ATP11B: variants seen among roughly 807,000 people sequenced by gnomAD.
ATP11B encodes phospholipid-transporting ATPase IF.
In ATP11B, 81 loss-of-function variants were observed where a neutral mutation model predicts 157.8. The observed-to-expected ratio is 0.51, with a 90% CI of 0.43 to 0.62. The LOEUF is 0.62. Ranked by LOEUF, ATP11B falls within the 20% of genes least tolerant of loss-of-function variation. The probability of loss-of-function intolerance (pLI) is 0.00; values close to 1 mark genes in which losing one functional copy is unlikely to be tolerated. For missense variants in ATP11B, 1,165 were observed against 1,402.2 expected, an observed-to-expected ratio of 0.83 and a Z score of 2.70; for synonymous variants, 451 against 469.4, an observed-to-expected ratio of 0.96 and a Z score of 0.51.
At chr3:182,806,724 T>C (rs1716350495) in intron 1 of ATP11B, among the ~76,000 whole-genome samples, 1 of 152,212 alleles carries the variant, frequency 6.6e-6, no homozygotes, top group South Asian at 2.1e-4. Context: ...ATGTGCCTGA[T>C]TTGTTTCATA....
chr3:182,863,434 C>T (rs1721002038), intron 12 of ATP11B, among the ~76,000 whole-genome samples: 1 of 152,022 alleles, frequency 6.6e-6, no homozygotes, highest in Non-Finnish European at 1.5e-5. Context: ...ATTGTGTATG[C>T]ATACTCATGT....
chr3:182,905,870 A>G, intron 28 of ATP11B: 1 of 456,702 alleles, frequency 2.2e-6, no homozygotes, highest in Non-Finnish European at 4.4e-6. Flanking sequence ...GACAGTAGGC[A>G]CCTGCTAGCT....
At chr3:182,890,762 CAT>C (rs1369599076) in intron 25 of ATP11B, among the ~76,000 whole-genome samples, 1 of 152,122 alleles carries the variant, frequency 6.6e-6, no homozygotes, top group Non-Finnish European at 1.5e-5. Context: ...CTCATTAAAT[CAT>C]AACTCTGTAT....
intron 1 of ATP11B, among the ~76,000 whole-genome samples, chr3:182,802,864 C>T (rs1716096393): frequency 6.6e-6 from 1 of 152,156 alleles, no homozygotes; most frequent in Non-Finnish European, 1.5e-5. Context: ...TTTTAGGTGA[C>T]ACCATTTCTT....
chr3:182,891,347 G>T (rs1723163151), intron 25 of ATP11B, among the ~76,000 whole-genome samples: 1 of 152,146 alleles, frequency 6.6e-6, no homozygotes, highest in Non-Finnish European at 1.5e-5. Flanking sequence ...TAAGTTTGAA[G>T]TTAGTAGGAA....
chr3:182,873,959 T>TA lies in ATP11B; in HGVS notation c.2197dup (p.Ile733AsnfsTer11). 1 of 1,614,120 alleles carries TA rather than the reference T, an allele frequency of 6.2e-7. No homozygotes were observed. Among genetic ancestry groups the TA allele is most frequent in the Non-Finnish European group, 8.5e-7 (1 of 1,180,006 alleles). On this transcript the variant is annotated frameshift_variant, in exon 19 of 30. Transcript: ENST00000323116. LOFTEE classifies it high-confidence loss of function. ...ATAGAACCATGAACATCCTTGAACT[T>TA]ATAAACCAGAAATCAGACAGCGAGT... is the stretch of plus-strand genomic sequence containing the variant.
In ATP11B at chr3:182,873,992, A is replaced by C; in HGVS notation, c.2229A>C (p.Glu743Asp). Residue 743 changes from glutamate (E) to aspartate (D), a missense_variant, in exon 19 of 30, where the codon GAA becomes GAC. Transcript: ENST00000323116. ...AGAAATCAGACAGCGAGTGTGCTGA[A>C]CAATTGAGGCAGCTTGCCAGAAGGT... The part of the protein sequence containing the change: ...INQKSDSECA[E>D]QLRQLARRIT... 2 of 1,614,052 alleles carry C rather than the reference A, an allele frequency of 1.2e-6. No homozygotes were observed.
At chr3:182,884,002 C>T (rs1161229858) in intron 21 of ATP11B, among the ~76,000 whole-genome samples, 2 of 146,852 alleles carry the variant, frequency 1.4e-5, no homozygotes, top group African/African-American at 4.9e-5. Context: ...CAGCAGTTTT[C>T]TCTAGGGATT....
At chr3:182,876,180 CT>C (rs1722028366) in intron 19 of ATP11B, among the ~76,000 whole-genome samples, 3 of 152,032 alleles carry the variant, frequency 2.0e-5, no homozygotes, top group Non-Finnish European at 2.9e-5. Flanking sequence ...AAGTTCAAGG[CT>C]ACAGTGAACT....
Position 182,793,521 on chromosome 3 carries a change from C to A in ATP11B, c.-239C>A, listed in dbSNP as rs2108474250. 2.9e-6 allele frequency: 1 copy of A among 347,732 alleles called. No homozygotes were observed. Among genetic ancestry groups the A allele is most frequent in the East Asian group, 4.4e-5 (1 of 22,872 alleles). The allele number at this position is 347,732 out of a possible 1,614,324, so 21.5% of individuals were successfully genotyped here. ...CAACGGTCAATAATGAAGGTGGCTG[C>A]GGCGCGGCGGCAGGCTCAGCTGCGC... On this transcript the variant is annotated 5_prime_UTR_variant, in exon 1 of 30. Coordinates refer to ENST00000323116, the MANE Select transcript of ATP11B (RefSeq NM_014616.3).
intron 29 of ATP11B, chr3:182,916,283 C>CT: frequency 1.0e-6 from 1 of 985,276 alleles, no homozygotes. Flanking sequence ...TGGGGCAAGT[C>CT]TGAGACTGCC....
chr3:182,800,812 G>A (rs941396943), intron 1 of ATP11B, among the ~76,000 whole-genome samples: 6 of 142,094 alleles, frequency 4.2e-5, no homozygotes, highest in Middle Eastern at 3.4e-3. Context: ...AGACAGTCTC[G>A]CTTTGTCACC....
chr3:182,905,089 C>G (rs1333198116), intron 28 of ATP11B, among the ~76,000 whole-genome samples: 2 of 152,026 alleles, frequency 1.3e-5, no homozygotes, highest in African/African-American at 4.8e-5. Flanking sequence ...GTCAGAAATT[C>G]AGCATTGCAT....
At chr3:182,810,595 A>G (rs1226290770) in intron 1 of ATP11B, among the ~76,000 whole-genome samples, 2 of 152,050 alleles carry the variant, frequency 1.3e-5, no homozygotes, top group Non-Finnish European at 2.9e-5. Flanking sequence ...CTTTGTGTCT[A>G]TTCTTTTCTA....
chr3:182,898,153 A>G (rs1445151630), intron 27 of ATP11B, among the ~76,000 whole-genome samples: 1 of 152,166 alleles, frequency 6.6e-6, no homozygotes, highest in Non-Finnish European at 1.5e-5. Flanking sequence ...ACAAAAACCC[A>G]AAAAGAATAT....
At chr3:182,799,399 C>G (rs911387841) in intron 1 of ATP11B, among the ~76,000 whole-genome samples, 1 of 152,044 alleles carries the variant, frequency 6.6e-6, no homozygotes, top group Non-Finnish European at 1.5e-5. Context: ...GCCTCAGCCT[C>G]CGGAGTAGCT....
Position 182,911,272 on chromosome 3 carries a change from C to CCCA in ATP11B, c.3319-2587_3319-2586insACC, listed in dbSNP as rs1553826069. Among the ~76,000 whole-genome samples the CCCA allele has an allele frequency of 1.9e-3, 60 of 31,992 alleles. 10 individuals are homozygous for CCCA. In the African/African-American group the frequency reaches 0.023, roughly 12 times the overall value. 21.0% of individuals were successfully genotyped at this position (31,992 alleles called of 152,430 possible). On this transcript the variant is annotated intron_variant, in intron 28 of 29. Coordinates refer to ENST00000323116, the MANE Select transcript of ATP11B (RefSeq NM_014616.3). ...CCCCCCATCTCCTGCTATTGAAATG[C>CCCA]CCCCCCCCGCTAAGTCCTTTAAGAT...
chr3:182,914,746 A>G (rs1725030217), intron 29 of ATP11B: 1 of 985,228 alleles, frequency 1.0e-6, no homozygotes, highest in Non-Finnish European at 1.2e-6. Flanking sequence ...ACCATTTAAA[A>G]TTCATTTAAA....
At chr3:182,848,402 CT>C in intron 9 of ATP11B, 73 bp from the exon 10 acceptor site, 1 of 883,430 alleles carries the variant, frequency 1.1e-6, no homozygotes, top group Admixed American at 2.9e-5. Context: ...AGCTTTCATG[CT>C]GGTAAATATA....
Sources: allele counts gnomAD v4.1 joint callset (sites outside exome capture counted in the v4.1 genomes callset), GRCh38; gene constraint gnomAD v4.1.1; transcripts MANE v1.5; gene names NCBI Gene and HGNC (gene_info 2026-07-23, HGNC 2026-07-21).